The following NAT10 variants were observed in gnomAD, a reference collection of about 807,000 sequenced individuals.
The protein encoded by NAT10 is RNA cytidine acetyltransferase.
In NAT10, 109 loss-of-function variants were observed where a neutral mutation model predicts 132.2. The ratio of observed to expected loss-of-function variants is 0.82; its 90% CI spans 0.71 to 0.97. The LOEUF (loss-of-function observed/expected upper bound fraction) is 0.97. NAT10 is among the 50% of genes least tolerant of loss of function. NAT10 has a pLI of 0.00. For synonymous variants in NAT10, 479 were observed against 478.0 expected (o/e 1.00, Z -0.03); for missense variants, 1,184 against 1,263.4 (o/e 0.94, Z 0.95).
Position 34,108,780 on chromosome 11 carries a change from G to A in NAT10, c.147G>A (p.Val49=), listed in dbSNP as rs1487855930. The A allele has an allele frequency of 1.9e-6, 3 of 1,613,856 alleles. No homozygotes were observed. The South Asian group carries it at 3.3e-5, about 18-fold the overall frequency. Residue 49 remains valine (V), a synonymous_variant, in exon 3 of 29, where the codon GTG becomes GTA. Transcript: ENST00000257829. ...ILHHMLSKAT[V]KARPSVLWCY... Reference sequence around the variant, plus strand: ...ATCACATGTTATCCAAAGCAACTGTGAAGGCTCGGCCTTCAGTGCTGTGGT... The same window carrying A: ...ATCACATGTTATCCAAAGCAACTGTAAAGGCTCGGCCTTCAGTGCTGTGGT...
At position 34,108,278 on chromosome 11, in the gene NAT10, T is replaced by A; in HGVS notation, c.53T>A (p.Val18Glu). The change falls in exon 2 of 29, where the codon GTA becomes GAA. Residue 18 changes from valine (V) to glutamate (E), a missense_variant. By Grantham distance (121) the Val-to-Glu change is moderately radical. Coordinates refer to ENST00000257829, the MANE Select transcript of NAT10 (RefSeq NM_024662.3). ...NRIRILIENG[V>E]AERQRSLFVV... ...ATCCGGATTCTCATTGAGAATGGAGTAGCTGAGCGGCAAAGATCTCTCTTT... is the reference window on the plus strand; with the variant it reads ...ATCCGGATTCTCATTGAGAATGGAGAAGCTGAGCGGCAAAGATCTCTCTTT... The A allele has an allele frequency of 3.1e-6, 5 of 1,614,122 alleles. No individual in the cohort carries two copies. Among genetic ancestry groups the A allele is most frequent in the Non-Finnish European group, 4.2e-6 (5 of 1,180,014 alleles).
intron 16 of NAT10, among the ~76,000 whole-genome samples, chr11:34,134,056 C>T (rs1315737286): frequency 1.3e-5 from 2 of 151,548 alleles, no homozygotes; most frequent in African/African-American, 2.4e-5. Flanking sequence ...CCCAGCTACT[C>T]GGGAGGCTGA....
Position 34,136,587 on chromosome 11 carries a change from G to A in NAT10, c.2029-55G>A, listed in dbSNP as rs1201998838. On this transcript the variant is annotated intron_variant, in intron 19 of 28. Coordinates refer to ENST00000257829, the MANE Select transcript of NAT10 (RefSeq NM_024662.3). The stretch of plus-strand genomic sequence containing the variant: ...AGTGCGCTGCGGCAGGGTGCTTGAC[G>A]ATGTCTCTCTCCCTCTGCTGAATGG... 48 of 1,608,354 alleles carry A rather than the reference G, an allele frequency of 3.0e-5. No homozygotes were observed. The Middle Eastern group carries it at 9.9e-4, about 33-fold the overall frequency.
chr11:34,110,536 T>TA (rs1590759465), intron 3 of NAT10, among the ~76,000 whole-genome samples: 1 of 151,158 alleles, frequency 6.6e-6, no homozygotes, highest in Non-Finnish European at 1.5e-5. Flanking sequence ...TACTGTGACT[T>TA]ACGTTCATTT....
At chr11:34,138,314 A>C (rs377482393) in intron 21 of NAT10, among the ~76,000 whole-genome samples, 1 of 152,110 alleles carries the variant, frequency 6.6e-6, no homozygotes, top group Non-Finnish European at 1.5e-5. Flanking sequence ...GGATGAAGAC[A>C]TTGTCTTCTG....
intron 11 of NAT10, among the ~76,000 whole-genome samples, chr11:34,125,520 T>G (rs1052059148): frequency 6.6e-6 from 1 of 152,178 alleles, no homozygotes; most frequent in Non-Finnish European, 1.5e-5. Flanking sequence ...GGGCTCAAGA[T>G]TGAGAAAAAG....
At chr11:34,136,222 C>T (rs1390288702) in intron 19 of NAT10, among the ~76,000 whole-genome samples, 2 of 152,014 alleles carry the variant, frequency 1.3e-5, no homozygotes, top group East Asian at 1.9e-4. Flanking sequence ...GCTGGGACTA[C>T]AAGCACACAC....
chr11:34,136,421 A>G lies in NAT10; in HGVS notation c.2029-221A>G, dbSNP rs557940915. Among the ~76,000 whole-genome samples the G allele has an allele frequency of 1.9e-4, 29 of 152,306 alleles. 1 individual carries two copies. The East Asian group carries it at 5.4e-3, about 28-fold the overall frequency. ...CTAAACTCTTTGGCTGTCTTCCTGC[A>G]TTCTAGAGGTCTGAAGCAGTGTGAT... On this transcript the variant is annotated intron_variant, in intron 19 of 28. Transcript: ENST00000257829.
At chr11:34,122,396 G>A in intron 8 of NAT10, 63 bp from the exon 9 acceptor site, 1 of 1,602,928 alleles carries the variant, frequency 6.2e-7, no homozygotes, top group Non-Finnish European at 8.5e-7. Context: ...CACAGTGATG[G>A]TGATGAATGG....
chr11:34,142,606 G>A (rs567212123), intron 27 of NAT10, among the ~76,000 whole-genome samples: 1 of 152,146 alleles, frequency 6.6e-6, no homozygotes, highest in Admixed American at 6.6e-5. Context: ...GTCACACCTC[G>A]GGTCCTTCCA....
chr11:34,141,638 G>T, intron 25 of NAT10, 81 bp from the exon 26 acceptor site: 1 of 1,233,814 alleles, frequency 8.1e-7, no homozygotes, highest in Non-Finnish European at 1.2e-6. Context: ...CTTTCTATAA[G>T]ACACCAAGTG....
chr11:34,115,901 C>A lies in NAT10; in HGVS notation c.557+17C>A. 4.3e-6 allele frequency: 7 copies of A among 1,613,222 alleles called. No individual in the cohort carries two copies. The highest frequency in any genetic ancestry group is 5.9e-6 in the Non-Finnish European group (7 of 1,179,530). On this transcript the variant is annotated intron_variant, in intron 6 of 28. Transcript: ENST00000257829. Reference sequence around the variant, plus strand: ...TAATGAAAGGTAATTCTATAGTTCCCCCCAATTGTGGGGCAGCCACATTGG... The same window carrying A: ...TAATGAAAGGTAATTCTATAGTTCCACCCAATTGTGGGGCAGCCACATTGG...
intron 11 of NAT10, 78 bp from the exon 12 acceptor site, chr11:34,127,385 C>A: frequency 7.2e-7 from 1 of 1,396,874 alleles, no homozygotes; most frequent in South Asian, 1.3e-5. Flanking sequence ...AGAGAACATC[C>A]TTTATGATGA....
At chr11:34,125,241 C>G (rs980893366) in intron 11 of NAT10, among the ~76,000 whole-genome samples, 7 of 152,108 alleles carry the variant, frequency 4.6e-5, no homozygotes, top group African/African-American at 1.7e-4. Context: ...TTGCTCGATT[C>G]CCCCAGCTGG....
In NAT10 at chr11:34,140,416, G is replaced by A; in HGVS notation, c.2436G>A (p.Glu812=). 6.2e-7 allele frequency: 1 copy of A among 1,613,812 alleles called. No individual in the cohort carries two copies. Among genetic ancestry groups the A allele is most frequent in the Non-Finnish European group, 8.5e-7 (1 of 1,179,726 alleles). The change falls in exon 24 of 29, where the codon GAG becomes GAA. Residue 812 remains glutamate (E), a synonymous_variant. Transcript: ENST00000257829. The stretch of plus-strand genomic sequence containing the variant: ...CATGGACAGCCCTGAGCCGGGAGGA[G>A]CTGGAAGCACTCTTCCTCCCCTATG... The part of the protein sequence containing the change: ...KPAQPALSRE[E]LEALFLPYDL...
chr11:34,109,534 TTTCTC>T (rs1378082642), intron 3 of NAT10, among the ~76,000 whole-genome samples: 18 of 152,202 alleles, frequency 1.2e-4, no homozygotes, highest in African/African-American at 4.1e-4. Flanking sequence ...TGCGTCAACT[TTTCTC>T]TCTCTTTCTC....
chr11:34,124,996 A>G (rs1478751956), intron 11 of NAT10, among the ~76,000 whole-genome samples: 1 of 152,146 alleles, frequency 6.6e-6, no homozygotes, highest in East Asian at 1.9e-4. Context: ...CTCTTACTGG[A>G]GGAGGTTCAT....
At chr11:34,123,190 A>C (rs1015505636) in intron 9 of NAT10, among the ~76,000 whole-genome samples, 1 of 152,182 alleles carries the variant, frequency 6.6e-6, no homozygotes, top group Non-Finnish European at 1.5e-5. Flanking sequence ...TAGATGAATC[A>C]ACCTAGGTTT....
chr11:34,125,808 A>T (rs925090887), intron 11 of NAT10, among the ~76,000 whole-genome samples: 26 of 152,204 alleles, frequency 1.7e-4, no homozygotes, highest in Admixed American at 9.8e-4. Context: ...ACTAAAATTT[A>T]AAAAAGTTAG....
Sources: gnomAD v4.1 joint callset for allele counts (sites outside exome capture counted in the v4.1 genomes callset) on GRCh38, gnomAD v4.1.1 for gene constraint, MANE v1.5 for transcripts, NCBI Gene and HGNC (gene_info 2026-07-23, HGNC 2026-07-21) for gene names.